The following STK36 variants were observed in gnomAD, a reference collection of about 807,000 sequenced individuals.
STK36 encodes serine/threonine-protein kinase 36.
STK36 carries 116 observed loss-of-function variants against 142.2 expected under a neutral mutation model. The ratio of observed to expected loss-of-function variants is 0.82; its 90% CI spans 0.70 to 0.95. The LOEUF is 0.95. Among genes scored for constraint, STK36 ranks in the 40% least tolerant of loss-of-function variants. STK36 has a pLI of 0.00. For missense variants in STK36, 1,422 were observed against 1,617.2 expected (o/e 0.88, Z 2.07); for synonymous variants, 619 against 641.7 (o/e 0.96, Z 0.53).
chr2:218,697,347 G>T, intron 23 of STK36, 116 bp from the exon 24 acceptor site: 2 of 1,519,410 alleles, frequency 1.3e-6, no homozygotes, highest in Non-Finnish European at 8.8e-7. Flanking sequence ...GTCTGCACTA[G>T]AGCTGCTCTA....
In STK36 at chr2:218,672,843, A is replaced by C; in HGVS notation, c.14A>C (p.His5Pro). ...GAAACCTCTGTCATGGAAAAGTACC[A>C]CGTGTTGGAGATGATTGGAGAAGGC... The part of the protein sequence containing the change: MEKY[H>P]VLEMIGEGSF... Residue 5 changes from histidine (H) to proline (P), a missense_variant, in exon 2 of 27, where the codon CAC becomes CCC. By Grantham distance (77) the His-to-Pro change is moderately conservative. This residue lies in a region of STK36 where 460 missense variants were observed against 449.6 expected (regional missense o/e 1.02). Transcript: ENST00000295709. The C allele has an allele frequency of 6.2e-7, 1 of 1,614,074 alleles. No homozygotes were observed. Among genetic ancestry groups the C allele is most frequent in the Non-Finnish European group, 8.5e-7 (1 of 1,179,974 alleles).
At position 218,675,412 on chromosome 2, in the gene STK36, G is replaced by C. The variant is rs1213912908; in HGVS notation, c.373G>C (p.Asp125His). Residue 125 changes from aspartate (D) to histidine (H), a missense_variant, in exon 5 of 27, where the codon GAT becomes CAT. Around this residue, in one of 2 missense-constraint regions of STK36, gnomAD observed 460 missense variants for 449.6 expected, o/e 1.02. Transcript: ENST00000295709. ...GCATTCCCACCGCATCCTACACCGA[G>C]ATATGAAGCCTCAGAACATCCTCCT... ...YLHSHRILHR[D>H]MKPQNILLAK... is the part of the protein sequence containing the mutation. 1 of 1,612,142 alleles carries C rather than the reference G, an allele frequency of 6.2e-7. No homozygotes were observed. Among genetic ancestry groups the C allele is most frequent in the African/African-American group, 1.3e-5 (1 of 74,662 alleles).
At chr2:218,682,335 A>G (rs1290212080) in intron 10 of STK36, among the ~76,000 whole-genome samples, 1 of 152,126 alleles carries the variant, frequency 6.6e-6, no homozygotes, top group Admixed American at 6.6e-5. Flanking sequence ...TTTCTGAATC[A>G]TTTTAGGGTA....
rs747121835 is a variant in STK36, at chr2:218,673,960, T to C, written c.303+4T>C. 1.5e-4 allele frequency: 236 copies of C among 1,613,044 alleles called. No individual in the cohort carries two copies. The highest frequency in any genetic ancestry group is 2.0e-4 in the Non-Finnish European group (232 of 1,179,622). The stretch of plus-strand genomic sequence containing the variant: ...CGGAAAACTTCCTGAAGACCAGGTA[T>C]GCTTTCTGCCTTCAACTTCTCCCCA... On this transcript the variant is annotated splice_donor_region_variant and intron_variant, in intron 4 of 26. Transcript: ENST00000295709.
intron 2 of STK36, 122 bp downstream of exon 2, chr2:218,673,035 C>T: frequency 1.2e-6 from 1 of 838,488 alleles, no homozygotes; most frequent in Non-Finnish European, 1.9e-6. Context: ...CTCCCTCATA[C>T]TTCTTATGGA....
chr2:218,699,225 G>A lies in STK36; in HGVS notation c.3681G>A (p.Glu1227=), dbSNP rs1941355792. The change falls in exon 26 of 27, where the codon GAG becomes GAA. Residue 1227 remains glutamate, a synonymous_variant. Transcript: ENST00000295709. The part of the protein sequence containing the change: ...GNLGPEGLGE[E]LLQCEVPQRL... The stretch of plus-strand genomic sequence containing the variant: ...TGGGACCTGAAGGTTTGGGAGAGGA[G>A]CTGTTACAGTGCGAAGTACCCCAGC... 6.2e-7 allele frequency: 1 copy of A among 1,614,018 alleles called. No individual in the cohort carries two copies. Among genetic ancestry groups the A allele is most frequent in the African/African-American group, 1.3e-5 (1 of 75,020 alleles).
rs1218562197 is a variant in STK36 at position 218,694,927 on chromosome 2, C to T, written c.2511+292C>T. ...TTTTCTGAGTAGTGTGAGAACCCTG[C>T]CTGCTTCGTTCTCCTCCTCCAGAAG... On this transcript the variant is annotated intron_variant, in intron 21 of 26. Coordinates refer to ENST00000295709, the MANE Select transcript of STK36 (RefSeq NM_015690.5). This position sits in a 1 kb window ranked among gnomAD's most constrained non-coding sequence, Gnocchi z 4.4. Among the ~76,000 whole-genome samples the T allele has an allele frequency of 6.6e-6, 1 of 152,158 alleles. No homozygotes were observed. Among genetic ancestry groups the T allele is most frequent in the Non-Finnish European group, 1.5e-5 (1 of 68,040 alleles).
rs371626409 is a variant in STK36, at chr2:218,697,844, C to T, written c.2910-10C>T. 6.2e-7 allele frequency: 1 copy of T among 1,614,018 alleles called. No individual in the cohort carries two copies. The highest frequency in any genetic ancestry group is 1.3e-5 in the African/African-American group (1 of 74,916). The stretch of plus-strand genomic sequence containing the variant: ...ACAAGACCAAGTCTCTTCGACATTC[C>T]TCTCCTTAGGCCTCATGGGTCTGAG... On this transcript the variant is annotated splice_polypyrimidine_tract_variant and intron_variant, in intron 24 of 26. Coordinates refer to ENST00000295709, the MANE Select transcript of STK36 (RefSeq NM_015690.5).
At position 218,694,412 on chromosome 2, in the gene STK36, ATC is replaced by A; in HGVS notation, c.2400+87_2400+88del. The stretch of plus-strand genomic sequence containing the variant: ...GTGGGGGAGTCACTATCCAATTTGC[ATC>A]TGTTTCTGGAGGCATTCTTTTGGAC... On this transcript the variant is annotated intron_variant, in intron 20 of 26. Transcript: ENST00000295709. The surrounding 1 kb of genome is among the most constrained non-coding windows in gnomAD (Gnocchi z 4.4). 6.6e-7 allele frequency: 1 copy of A among 1,516,604 alleles called. No individual in the cohort carries two copies. The highest frequency in any genetic ancestry group is 9.2e-7 in the Non-Finnish European group (1 of 1,091,810). 93.9% of individuals were successfully genotyped at this position (1,516,604 alleles called of 1,614,324 possible).
rs1941464585 is a variant in STK36, at chr2:218,702,131, C to T, written c.*122C>T. ...GAAAAGAGATAAGCTGCCAACTCAA[C>T]TGAGAACAAGAAACTAGAAGAGATT... On this transcript the variant is annotated 3_prime_UTR_variant, in exon 27 of 27. Coordinates refer to ENST00000295709, the MANE Select transcript of STK36 (RefSeq NM_015690.5). 2 of 1,235,932 alleles carry T rather than the reference C, an allele frequency of 1.6e-6. No individual in the cohort carries two copies. Among genetic ancestry groups the T allele is most frequent in the Non-Finnish European group, 2.2e-6 (2 of 906,228 alleles). 76.6% of individuals were successfully genotyped at this position (1,235,932 alleles called of 1,614,324 possible).
Position 218,694,662 on chromosome 2 carries a change from C to T in STK36, c.2511+27C>T. Reference sequence around the variant, plus strand: ...TGAGGCCCCCCAGGGAGGGCACAGACATGTTTTCTCTGAGTCAGACACTAG... The same window carrying T: ...TGAGGCCCCCCAGGGAGGGCACAGATATGTTTTCTCTGAGTCAGACACTAG... On this transcript the variant is annotated intron_variant, in intron 21 of 26. Coordinates refer to ENST00000295709, the MANE Select transcript of STK36 (RefSeq NM_015690.5). This position sits in a 1 kb window ranked among gnomAD's most constrained non-coding sequence, Gnocchi z 4.4. The T allele has an allele frequency of 6.3e-7, 1 of 1,592,560 alleles. No individual in the cohort carries two copies. Among genetic ancestry groups the T allele is most frequent in the South Asian group, 1.1e-5 (1 of 90,578 alleles).
chr2:218,692,006 T>C, intron 14 of STK36, 137 bp from the exon 15 acceptor site: 3 of 1,056,770 alleles, frequency 2.8e-6, no homozygotes, highest in Non-Finnish European at 4.0e-6. Context: ...ATTTTTGGTG[T>C]GAAGAATGCT....
intron 4 of STK36, 44 bp downstream of exon 4, chr2:218,674,000 C>G (rs781452917): frequency 6.3e-7 from 1 of 1,576,152 alleles, no homozygotes; most frequent in Non-Finnish European, 8.7e-7. Flanking sequence ...CGACCTCTCT[C>G]CAGGTTAGAG....
rs771874837 is a variant in STK36, at chr2:218,694,580, T to C, written c.2456T>C (p.Leu819Pro). 3 of 1,614,108 alleles carry C rather than the reference T, an allele frequency of 1.9e-6. No homozygotes were observed. In the African/African-American group the frequency reaches 4.0e-5, roughly 22 times the overall value. ...GGTCAGCAAGGGGTGACCTTTGACC[T>C]CCAGCCCATGGAATGGATGGCTGCA... The part of the protein sequence containing the change: ...QLGQQGVTFD[L>P]QPMEWMAAAT... Residue 819 changes from leucine (L) to proline (P), a missense_variant, in exon 21 of 27, where the codon CTC becomes CCC. This residue lies in a region of STK36 where 962 missense variants were observed against 1,167.5 expected (regional missense o/e 0.82). Transcript: ENST00000295709. The surrounding 1 kb of genome is among the most constrained non-coding windows in gnomAD (Gnocchi z 4.4).
At chr2:218,676,802 C>A (rs1010348090) in intron 6 of STK36, among the ~76,000 whole-genome samples, 1 of 151,998 alleles carries the variant, frequency 6.6e-6, no homozygotes, top group African/African-American at 2.4e-5. Context: ...GTGCCCACCA[C>A]GACACCCGGC....
chr2:218,685,993 A>G (rs916723126), intron 11 of STK36, among the ~76,000 whole-genome samples: 3 of 151,702 alleles, frequency 2.0e-5, no homozygotes, highest in Non-Finnish European at 4.4e-5. Context: ...GCTGGAGTGT[A>G]GTGGTGTGAT....
intron 10 of STK36, chr2:218,684,883 G>A: frequency 1.9e-6 from 1 of 523,186 alleles, no homozygotes; most frequent in Non-Finnish European, 3.3e-6. Flanking sequence ...ACATGCCGGT[G>A]TTCTCCAAGA....
rs774131113 is a variant in STK36, at chr2:218,688,678, T to A, written c.1381-19T>A. On this transcript the variant is annotated intron_variant, in intron 11 of 26. Coordinates refer to ENST00000295709, the MANE Select transcript of STK36 (RefSeq NM_015690.5). ...CTCTGAAAATATCAATCGTTGCCTC[T>A]TTCCCTCATGTCACCCAGATCCTGA... is the stretch of plus-strand genomic sequence containing the variant. 2 of 1,607,126 alleles carry A rather than the reference T, an allele frequency of 1.2e-6. No individual in the cohort carries two copies. The highest frequency in any genetic ancestry group is 2.2e-5 in the South Asian group (2 of 90,116).
At position 218,697,880 on chromosome 2, in the gene STK36, T is replaced by C. The variant is rs1941296074; in HGVS notation, c.2936T>C (p.Val979Ala). ...QAPHGSEFLP[V>A]VVLSVCQLLC... ...CCTCATGGGTCTGAGTTTCTCCCTGTCGTGGTGCTCTCTGTCTGCCAGCTC... is the reference window on the plus strand; with the variant it reads ...CCTCATGGGTCTGAGTTTCTCCCTGCCGTGGTGCTCTCTGTCTGCCAGCTC... Residue 979 changes from valine to alanine, a missense_variant, in exon 25 of 27, where the codon GTC becomes GCC. By Grantham distance (64) the Val-to-Ala change is moderately conservative. Coordinates refer to ENST00000295709, the MANE Select transcript of STK36 (RefSeq NM_015690.5). The C allele has an allele frequency of 1.9e-6, 3 of 1,614,158 alleles. No individual in the cohort carries two copies. The highest frequency in any genetic ancestry group is 2.5e-6 in the Non-Finnish European group (3 of 1,180,018).
Sources: allele counts gnomAD v4.1 joint callset (sites outside exome capture counted in the v4.1 genomes callset), GRCh38; gene constraint gnomAD v4.1.1; regional missense constraint gnomAD v4.1.1; non-coding constraint Gnocchi (gnomAD v3.1); transcripts MANE v1.5; gene names NCBI Gene and HGNC (gene_info 2026-07-23, HGNC 2026-07-21).